GRM1: variants seen among roughly 807,000 people sequenced by gnomAD.
The protein encoded by GRM1 is glutamate metabotropic receptor 1.
In GRM1, 33 loss-of-function variants were observed where a neutral mutation model predicts 90.9. That is an observed-to-expected ratio of 0.36 (90% CI 0.28 to 0.49). The LOEUF (loss-of-function observed/expected upper bound fraction) is 0.49, where lower values mean the gene tolerates loss of function less well. Among genes scored for constraint, GRM1 ranks in the 20% least tolerant of loss-of-function variants. The pLI, the probability that GRM1 is intolerant of heterozygous loss-of-function variation, is 0.99. For synonymous variants in GRM1, 700 were observed against 613.2 expected (o/e 1.14, Z -2.09); for missense variants, 1,190 against 1,534.3 (o/e 0.78, Z 3.75).
intron 1 of GRM1, among the ~76,000 whole-genome samples, chr6:146,145,871 G>C (rs1213529825): frequency 1.3e-5 from 2 of 152,062 alleles, no homozygotes; most frequent in East Asian, 3.9e-4. Context: ...GGTGTACTGA[G>C]CCCAGTCAAA....
At chr6:146,247,673 C>G (rs1026275996) in intron 2 of GRM1, among the ~76,000 whole-genome samples, 1 of 150,644 alleles carries the variant, frequency 6.6e-6, no homozygotes, top group African/African-American at 2.4e-5. Context: ...ATCATTAGGA[C>G]CCGGGAGGTG....
intron 1 of GRM1, among the ~76,000 whole-genome samples, chr6:146,032,440 T>A (rs937293567): frequency 6.6e-6 from 1 of 152,180 alleles, no homozygotes; most frequent in Non-Finnish European, 1.5e-5. Context: ...GGAAAGGAAT[T>A]TTGTGTAAGG....
intron 3 of GRM1, among the ~76,000 whole-genome samples, chr6:146,328,824 C>T (rs1478170486): frequency 6.6e-6 from 1 of 152,120 alleles, no homozygotes; most frequent in Non-Finnish European, 1.5e-5. Flanking sequence ...TGATTAGGTG[C>T]AGTTGGGAAT....
intron 2 of GRM1, among the ~76,000 whole-genome samples, chr6:146,172,573 G>A (rs1227479492): frequency 6.6e-6 from 1 of 152,150 alleles, no homozygotes; most frequent in Non-Finnish European, 1.5e-5. Context: ...TGGTAGAGGA[G>A]TGAGGGAGCC....
At chr6:146,186,349 T>G (rs1221964122) in intron 2 of GRM1, among the ~76,000 whole-genome samples, 1 of 152,106 alleles carries the variant, frequency 6.6e-6, no homozygotes, top group Admixed American at 6.6e-5. Context: ...TCAAAGACTA[T>G]GAATTTTACA....
chr6:146,076,950 G>C (rs1028157657), intron 1 of GRM1, among the ~76,000 whole-genome samples: 1 of 152,100 alleles, frequency 6.6e-6, no homozygotes, highest in African/African-American at 2.4e-5. Flanking sequence ...TTCACAGGAA[G>C]CCAGGTCCTG....
intron 2 of GRM1, among the ~76,000 whole-genome samples, chr6:146,175,097 T>A (rs1778291269): frequency 6.6e-6 from 1 of 152,134 alleles, no homozygotes; most frequent in Admixed American, 6.5e-5. Context: ...TAGAAGTAAG[T>A]CACTAGGTCC....
chr6:146,217,078 T>G (rs1436495369), intron 2 of GRM1, among the ~76,000 whole-genome samples: 1 of 152,198 alleles, frequency 6.6e-6, no homozygotes, highest in Admixed American at 6.5e-5. Context: ...GGAGGAGCCT[T>G]GTGGGATCTA....
At position 146,415,827 on chromosome 6, in the gene GRM1, T is replaced by A. The variant is rs893228990; in HGVS notation, c.2660+16128T>A. The stretch of plus-strand genomic sequence containing the variant: ...CTGAGAAATTGATCACAAATAAGCA[T>A]TGAATTTTGTCAGATTCTTCTGTAT... On this transcript the variant is annotated intron_variant, in intron 7 of 7. Coordinates refer to ENST00000282753, the MANE Select transcript of GRM1 (RefSeq NM_001278064.2). 2.0e-5 allele frequency among the ~76,000 whole-genome samples: 3 copies of A among 152,234 alleles called. No individual in the cohort carries two copies. The South Asian group carries it at 6.2e-4, about 31-fold the overall frequency.
chr6:146,392,519 A>G (rs967594036), intron 6 of GRM1, among the ~76,000 whole-genome samples: 1 of 152,136 alleles, frequency 6.6e-6, no homozygotes, highest in Admixed American at 6.6e-5. Context: ...AAGTTAGCAT[A>G]ACATACCTTT....
intron 3 of GRM1, among the ~76,000 whole-genome samples, chr6:146,322,304 G>A (rs372266759): frequency 2.0e-5 from 3 of 152,128 alleles, no homozygotes; most frequent in African/African-American, 7.2e-5. Context: ...CCAGATGCCC[G>A]CTGGAGCTCT....
chr6:146,293,108 A>G (rs1783047954), intron 2 of GRM1, among the ~76,000 whole-genome samples: 1 of 151,994 alleles, frequency 6.6e-6, no homozygotes, highest in Non-Finnish European at 1.5e-5. Flanking sequence ...ATTGCCAGGG[A>G]CTGGGGACAG....
At chr6:146,066,766 CAGAGAGAG>C (rs560090955) in intron 1 of GRM1, among the ~76,000 whole-genome samples, 2 of 60,082 alleles carry the variant, frequency 3.3e-5, no homozygotes, top group Non-Finnish European at 9.0e-5. Flanking sequence ...GACAGACAGG[CAGAGAGAG>C]AGAGAGAGAG....
chr6:146,078,184 T>G (rs1045559875), intron 1 of GRM1, among the ~76,000 whole-genome samples: 3 of 152,178 alleles, frequency 2.0e-5, no homozygotes, highest in Admixed American at 6.6e-5. Flanking sequence ...TGTTTCCTAG[T>G]GTTTAGTGTA....
chr6:146,096,932 TCA>T (rs1776893684), intron 1 of GRM1, among the ~76,000 whole-genome samples: 1 of 152,196 alleles, frequency 6.6e-6, no homozygotes, highest in South Asian at 2.1e-4. Flanking sequence ...TACTTTTTTT[TCA>T]CAGATTGTTG....
chr6:146,231,293 C>T (rs552483857), intron 2 of GRM1, among the ~76,000 whole-genome samples: 6 of 152,208 alleles, frequency 3.9e-5, no homozygotes, highest in African/African-American at 1.4e-4. Context: ...ACCTTCCACT[C>T]AATTTTACTG....
At chr6:146,097,078 C>T (rs1776898520) in intron 1 of GRM1, among the ~76,000 whole-genome samples, 1 of 152,072 alleles carries the variant, frequency 6.6e-6, no homozygotes, top group Non-Finnish European at 1.5e-5. Context: ...GAGGAACATA[C>T]TCCAAAAAGT....
chr6:146,357,762 C>A, intron 5 of GRM1, 68 bp downstream of exon 5: 2 of 1,193,960 alleles, frequency 1.7e-6, no homozygotes, highest in Non-Finnish European at 2.5e-6. Context: ...TAGTAAAGAA[C>A]AACACAGACA....
chr6:146,270,913 C>CT (rs1562571282), intron 2 of GRM1, among the ~76,000 whole-genome samples: 6,932 of 68,052 alleles, frequency 0.1, 187 homozygotes, highest in Non-Finnish European at 0.11. Context: ...TTCTTTCTTT[C>CT]TTCCTTCCTT....
Sources: gnomAD v4.1 joint callset for allele counts (sites outside exome capture counted in the v4.1 genomes callset) on GRCh38, gnomAD v4.1.1 for gene constraint, MANE v1.5 for transcripts, NCBI Gene and HGNC (gene_info 2026-07-23, HGNC 2026-07-21) for gene names.